The following DAAM1 variants were observed in gnomAD, a reference collection of about 807,000 sequenced individuals.
The protein encoded by DAAM1 is dishevelled associated activator of morphogenesis 1.
In DAAM1, 52 loss-of-function variants were observed where a neutral mutation model predicts 130.0. That is an observed-to-expected ratio of 0.40 (90% confidence interval 0.32 to 0.50). DAAM1 has a LOEUF of 0.50. DAAM1 is among the 20% of genes least tolerant of loss of function. The pLI is 0.61. For missense variants in DAAM1, 1,134 were observed against 1,303.8 expected (o/e 0.87, Z 2.01); for synonymous variants, 452 against 444.5 (o/e 1.02, Z -0.21).
chr14:59,293,392 G>T (rs1006627691), intron 3 of DAAM1, among the ~76,000 whole-genome samples: 6 of 152,096 alleles, frequency 3.9e-5, no homozygotes, highest in South Asian at 2.1e-4. Context: ...CACACCTATC[G>T]AATCCCCTTG....
Position 59,276,585 on chromosome 14 carries a change from C to T in DAAM1, c.183+12925C>T, listed in dbSNP as rs374252373. ...AACTGAAGGCTTGCAGCCTGCTGGG[C>T]TTGTGGGAAACCCTTTCTGGGTGGA... On this transcript the variant is annotated intron_variant, in intron 2 of 24. Coordinates refer to ENST00000360909, the MANE Select transcript of DAAM1 (RefSeq NM_001270520.2). Among the ~76,000 whole-genome samples the T allele has an allele frequency of 5.4e-4, 82 of 152,202 alleles. 1 individual carries two copies. The East Asian group carries it at 0.01, about 19-fold the overall frequency.
At chr14:59,279,538 C>T (rs1883119500) in intron 2 of DAAM1, among the ~76,000 whole-genome samples, 1 of 152,058 alleles carries the variant, frequency 6.6e-6, no homozygotes, top group Non-Finnish European at 1.5e-5. Flanking sequence ...AAAAACAATC[C>T]AGCTGTTTTG....
At chr14:59,199,664 G>A (rs1420024859) in intron 1 of DAAM1, among the ~76,000 whole-genome samples, 1 of 152,206 alleles carries the variant, frequency 6.6e-6, no homozygotes, top group Admixed American at 6.5e-5. Flanking sequence ...TGGGATGAAT[G>A]TCTCTTCAAA....
intron 12 of DAAM1, among the ~76,000 whole-genome samples, chr14:59,329,837 T>C (rs1234635952): frequency 2.6e-5 from 4 of 152,238 alleles, no homozygotes; most frequent in Non-Finnish European, 5.9e-5. Flanking sequence ...ATTTTCGCGT[T>C]CTACTGACCC....
At chr14:59,262,653 AG>A (rs1882223774) in intron 1 of DAAM1, among the ~76,000 whole-genome samples, 4 of 140,778 alleles carry the variant, frequency 2.8e-5, no homozygotes, top group African/African-American at 1.0e-4. Context: ...ATATTCTATT[AG>A]TGTGTGTGTG....
intron 1 of DAAM1, among the ~76,000 whole-genome samples, chr14:59,202,377 A>G (rs1317444681): frequency 6.6e-6 from 1 of 152,212 alleles, no homozygotes; most frequent in East Asian, 1.9e-4. Flanking sequence ...TTTAGACAGA[A>G]TTTCAGATCC....
chr14:59,368,595 A>G (rs1277840319), intron 24 of DAAM1, 55 bp from the exon 25 acceptor site: 26 of 1,553,738 alleles, frequency 1.7e-5, no homozygotes, highest in Non-Finnish European at 2.3e-5. Context: ...CTCTACTGCA[A>G]ACAAAATGCA....
intron 1 of DAAM1, among the ~76,000 whole-genome samples, chr14:59,262,325 T>C (rs998617980): frequency 2.0e-5 from 3 of 152,224 alleles, no homozygotes; most frequent in Admixed American, 6.5e-5. Flanking sequence ...CTATTGTTCT[T>C]CTTTGACTTG....
intron 1 of DAAM1, among the ~76,000 whole-genome samples, chr14:59,261,059 A>G (rs532204054): frequency 1.3e-5 from 2 of 152,274 alleles, no homozygotes; most frequent in Admixed American, 6.5e-5. Context: ...TTCAGCAGGG[A>G]TATGAGAGCC....
rs1209238169 is a variant in DAAM1, at chr14:59,367,606, G to A, written c.2997+7G>A. The stretch of plus-strand genomic sequence containing the variant: ...AGCTCGCATGGAAGCTCAGGTGAGA[G>A]GATGATTAATTGACCAATTCCACCT... On this transcript the variant is annotated splice_region_variant and intron_variant, in intron 24 of 24. Transcript: ENST00000360909. The A allele has an allele frequency of 4.3e-6, 7 of 1,610,488 alleles. No individual in the cohort carries two copies. The highest frequency in any genetic ancestry group is 1.7e-5 in the Admixed American group (1 of 59,822).
chr14:59,322,970 A>G lies in DAAM1; in HGVS notation c.519A>G (p.Ser173=), dbSNP rs1885072058. 1 of 1,614,148 alleles carries G rather than the reference A, an allele frequency of 6.2e-7. No homozygotes were observed. Among genetic ancestry groups the G allele is most frequent in the Non-Finnish European group, 8.5e-7 (1 of 1,179,974 alleles). Residue 173 remains serine (S), a synonymous_variant, in exon 6 of 25, where the codon TCA becomes TCG. Transcript: ENST00000360909. ...TAAAGACCATGGACTACGAGACCTC[A>G]GAGTCTCGAATACATACTTCTCTCA... The part of the protein sequence containing the change: ...NFLKTMDYET[S]ESRIHTSLIG...
rs942373593 is a variant in DAAM1, at chr14:59,371,360, TA to T, written c.*2506del. The T allele has an allele frequency of 5.9e-5, 9 of 152,110 alleles. No homozygotes were observed. The highest frequency in any genetic ancestry group is 2.6e-4 in the Admixed American group (4 of 15,266). 9.4% of individuals were successfully genotyped at this position (152,110 alleles called of 1,614,324 possible). A position where few individuals can be genotyped will look rare whatever the true frequency, so the allele number is the denominator to read the frequency against. On this transcript the variant is annotated 3_prime_UTR_variant, in exon 25 of 25. Coordinates refer to ENST00000360909, the MANE Select transcript of DAAM1 (RefSeq NM_001270520.2). The stretch of plus-strand genomic sequence containing the variant: ...TGTTATGAGACTGTACATGTTTTTT[TA>T]AAAATAGCAATATGCAATAAAGAGA...
intron 1 of DAAM1, among the ~76,000 whole-genome samples, chr14:59,198,818 A>G (rs1287726822): frequency 6.6e-6 from 1 of 152,230 alleles, no homozygotes; most frequent in Non-Finnish European, 1.5e-5. Context: ...AGAGAAAAAG[A>G]CACACTCTTT....
chr14:59,326,262 C>T, intron 10 of DAAM1, 185 bp downstream of exon 10: 1 of 691,950 alleles, frequency 1.4e-6, no homozygotes, highest in East Asian at 2.8e-5. Context: ...TTAAATGAAA[C>T]AAATTAAAAT....
intron 1 of DAAM1, among the ~76,000 whole-genome samples, chr14:59,200,932 C>T (rs1411852380): frequency 4.6e-5 from 7 of 151,990 alleles, no homozygotes; most frequent in African/African-American, 9.7e-5. Context: ...GAGGCCAAGG[C>T]GGGCGGATCA....
At chr14:59,204,545 A>G (rs754383435) in intron 1 of DAAM1, among the ~76,000 whole-genome samples, 1 of 152,182 alleles carries the variant, frequency 6.6e-6, no homozygotes, top group Non-Finnish European at 1.5e-5. Flanking sequence ...TTGACCATAT[A>G]ATGAAACATA....
At chr14:59,193,624 C>T (rs1250664635) in intron 1 of DAAM1, among the ~76,000 whole-genome samples, 1 of 152,172 alleles carries the variant, frequency 6.6e-6, no homozygotes, top group South Asian at 2.1e-4. Context: ...GTGTGCAGAG[C>T]CTTCCCCATC....
At chr14:59,299,542 A>C (rs927452034) in intron 3 of DAAM1, among the ~76,000 whole-genome samples, 5 of 152,192 alleles carry the variant, frequency 3.3e-5, no homozygotes, top group African/African-American at 1.2e-4. Flanking sequence ...ACCTGGGATT[A>C]ATCTCCATTT....
rs1391210174 is a variant in DAAM1 at position 59,370,952 on chromosome 14, C to G, written c.*2093C>G. The G allele has an allele frequency of 6.6e-6, 1 of 151,814 alleles. No homozygotes were observed. Among genetic ancestry groups the G allele is most frequent in the African/African-American group, 2.4e-5 (1 of 41,366 alleles). 9.4% of individuals were successfully genotyped at this position (151,814 alleles called of 1,614,324 possible). ...GTGGAGGGAAAGTCACATAAAGGAG[C>G]AAGTTTGTGTAGCTGTCCCTCTTGC... On this transcript the variant is annotated 3_prime_UTR_variant, in exon 25 of 25. Transcript: ENST00000360909.
Sources: gnomAD v4.1 joint callset for allele counts (sites outside exome capture counted in the v4.1 genomes callset) on GRCh38, gnomAD v4.1.1 for gene constraint, MANE v1.5 for transcripts, NCBI Gene and HGNC (gene_info 2026-07-23, HGNC 2026-07-21) for gene names.